Variants in KLF8 observed in about 807,000 individuals in gnomAD.
KLF8 encodes the protein KLF transcription factor 8.
A neutral mutation model predicts 18.2 loss-of-function variants in KLF8; 10 were observed. That is an observed-to-expected ratio of 0.55 (90% CI 0.34 to 0.93). KLF8 has a LOEUF of 0.93. Among genes scored for constraint, KLF8 ranks in the 40% least tolerant of loss-of-function variants. The pLI, the probability that KLF8 is intolerant of heterozygous loss-of-function variation, is 0.02. For missense variants in KLF8, 264 were observed against 277.9 expected (o/e 0.95, Z 0.36); for synonymous variants, 109 against 97.3 (o/e 1.12, Z -0.71).
At chrX:56,122,880 T>G in the KLF8 span, among the ~76,000 whole-genome samples, 1 of 111,166 alleles carries the variant, frequency 9.0e-6, no homozygotes, top group African/African-American at 3.3e-5. Context: ...TGAGCCACCA[T>G]GCCCAGCCTT....
the KLF8 span, among the ~76,000 whole-genome samples, chrX:56,135,010 G>A: frequency 5.4e-5 from 6 of 110,893 alleles, no homozygotes; most frequent in East Asian, 5.7e-4. Flanking sequence ...TCAATACCAC[G>A]AAGGCCTCAC....
At chrX:56,077,014 T>G in the KLF8 span, among the ~76,000 whole-genome samples, 3 of 111,973 alleles carry the variant, frequency 2.7e-5, no homozygotes, top group Admixed American at 9.5e-5. Context: ...TAAATTTGTT[T>G]GAGTTCATTG....
intron 5 of KLF8, among the ~76,000 whole-genome samples, chrX:56,278,539 C>T (rs1294469885): frequency 1.8e-5 from 2 of 111,084 alleles, no homozygotes; most frequent in African/African-American, 6.6e-5. Context: ...AAAACAAAGT[C>T]CTTTTTACTC....
At chrX:55,953,451 A>ATT in the KLF8 span, among the ~76,000 whole-genome samples, 1 of 103,929 alleles carries the variant, frequency 9.6e-6, no homozygotes, top group Non-Finnish European at 2.0e-5. Flanking sequence ...TCCCAGGTGG[A>ATT]TTTTTTTTTT....
At chrX:55,970,760 G>T in the KLF8 span, among the ~76,000 whole-genome samples, 3 of 111,450 alleles carry the variant, frequency 2.7e-5, no homozygotes, top group Non-Finnish European at 5.7e-5. Context: ...ACTTCTATAT[G>T]CCACTAGCAA....
intron 1 of KLF8, among the ~76,000 whole-genome samples, chrX:56,242,715 C>G (rs999328875): frequency 1.8e-5 from 2 of 111,746 alleles, no homozygotes; most frequent in African/African-American, 3.3e-5. Context: ...CTGTCACTGT[C>G]GTTCATACAT....
upstream of KLF8, among the ~76,000 whole-genome samples, chrX:56,229,062 C>T (rs1317808348): frequency 9.0e-6 from 1 of 110,702 alleles, no homozygotes; most frequent in Non-Finnish European, 1.9e-5. Context: ...CTTCTCAAGC[C>T]TTCTTTTTTT....
At chrX:56,122,246 G>C in the KLF8 span, among the ~76,000 whole-genome samples, 1 of 111,388 alleles carries the variant, frequency 9.0e-6, no homozygotes, top group African/African-American at 3.3e-5. Flanking sequence ...ATTATACTTG[G>C]AAGTCAACAT....
the KLF8 span, among the ~76,000 whole-genome samples, chrX:55,993,358 A>C: frequency 2.7e-5 from 3 of 112,184 alleles, no homozygotes; most frequent in Non-Finnish European, 3.8e-5. Context: ...TGAGATGATC[A>C]TGTGGTTTTT....
At chrX:56,184,223 C>T in the KLF8 span, among the ~76,000 whole-genome samples, 1 of 112,417 alleles carries the variant, frequency 8.9e-6, no homozygotes, top group South Asian at 3.7e-4. Context: ...AGATTATATC[C>T]TGCACCTGGC....
chrX:56,082,223 A>G, the KLF8 span, among the ~76,000 whole-genome samples: 1 of 111,874 alleles, frequency 8.9e-6, no homozygotes, highest in Non-Finnish European at 1.9e-5. Flanking sequence ...TATTTACCTT[A>G]ACCACTTCGT....
chrX:56,025,274 C>G, the KLF8 span, among the ~76,000 whole-genome samples: 2 of 112,332 alleles, frequency 1.8e-5, no homozygotes, highest in Admixed American at 9.4e-5. Flanking sequence ...CGAACCTCTC[C>G]TTTTATTAAG....
chrX:56,199,831 C>A, the KLF8 span, among the ~76,000 whole-genome samples: 1 of 111,442 alleles, frequency 9.0e-6, no homozygotes, highest in Non-Finnish European at 1.9e-5. Context: ...GGAAACAACC[C>A]AAGTGTCCAT....
the KLF8 span, among the ~76,000 whole-genome samples, chrX:55,930,198 G>A: frequency 3.6e-5 from 4 of 111,746 alleles, no homozygotes; most frequent in African/African-American, 1.3e-4. Flanking sequence ...TGTTATTGTT[G>A]TATAGGAATG....
chrX:56,067,900 T>G, the KLF8 span, among the ~76,000 whole-genome samples: 1 of 112,514 alleles, frequency 8.9e-6, no homozygotes, highest in Non-Finnish European at 1.9e-5. Flanking sequence ...CTGGGAGCAG[T>G]AAGATTGCTT....
chrX:56,253,762 T>C (rs892557163), intron 2 of KLF8, among the ~76,000 whole-genome samples: 2 of 66,760 alleles, frequency 3.0e-5, no homozygotes, highest in Non-Finnish European at 5.9e-5. Context: ...TTTTTTCTTT[T>C]TCTTTTTTTT....
chrX:56,243,261 G>A, intron 1 of KLF8: 1 of 435,015 alleles, frequency 2.3e-6, no homozygotes, highest in African/African-American at 2.4e-5. Flanking sequence ...AGTGACTTGG[G>A]CCGCTGGAAG....
chrX:56,053,165 T>G, the KLF8 span, among the ~76,000 whole-genome samples: 1 of 112,211 alleles, frequency 8.9e-6, no homozygotes, highest in South Asian at 3.7e-4. Context: ...GCGCCCACTG[T>G]CTGGCACTCC....
the KLF8 span, among the ~76,000 whole-genome samples, chrX:56,162,392 C>T: frequency 8.9e-6 from 1 of 112,153 alleles, no homozygotes; most frequent in African/African-American, 3.2e-5. Flanking sequence ...GCAGGCAGGC[C>T]TCCTTGAGCT....
Sources: allele counts gnomAD v4.1 joint callset (sites outside exome capture counted in the v4.1 genomes callset), GRCh38; gene constraint gnomAD v4.1.1; transcripts MANE v1.5; gene names NCBI Gene and HGNC (gene_info 2026-07-23, HGNC 2026-07-21).